KRTAP10-3: variants seen among roughly 807,000 people sequenced by gnomAD.
KRTAP10-3 encodes the protein keratin associated protein 10-3, also known as keratin-associated protein 10-3.
For synonymous variants in KRTAP10-3, 151 were observed against 126.2 expected, an observed-to-expected ratio of 1.20 and a Z score of -1.32; for missense variants, 341 against 293.4, an observed-to-expected ratio of 1.16 and a Z score of -1.19.
At position 44,558,211 on chromosome 21, in the gene KRTAP10-3, T is replaced by C. The variant is rs587596615; in HGVS notation, c.505A>G (p.Thr169Ala). Reference sequence around the variant, plus strand: ...CAGGAGGGGATGGGCACACAGCAGGTGGACCTGCACACGGGGCGGCAGAGG... The same window carrying C: ...CAGGAGGGGATGGGCACACAGCAGGCGGACCTGCACACGGGGCGGCAGAGG... ...SLLCRPVCRS[T>A]CCVPIPSCCA... The change falls in exon 1 of 1, where the codon ACC becomes GCC. Residue 169 changes from threonine to alanine, a missense_variant. Physicochemically the swap from Thr to Ala is moderately conservative, Grantham distance 58. Transcript: ENST00000391620. The C allele has an allele frequency of 3.9e-5, 61 of 1,555,842 alleles. No homozygotes were observed. Among genetic ancestry groups the C allele is most frequent in the Admixed American group, 5.3e-5 (3 of 56,474 alleles).
In KRTAP10-3 at chr21:44,558,650, G is replaced by A. The variant is rs782713383; in HGVS notation, c.66C>T (p.Cys22=). 30 of 1,613,288 alleles carry A rather than the reference G, an allele frequency of 1.9e-5. No individual in the cohort carries two copies. The highest frequency in any genetic ancestry group is 2.5e-5 in the Non-Finnish European group (30 of 1,179,906). ...AYSDSWQVDA[C]PESCCEPPCC... ...AGGGGGGCTCACAGCAGCTCTCTGG[G>A]CAGGCGTCCACCTGCCAGGAGTCAG... Residue 22 remains cysteine, a synonymous_variant, in exon 1 of 1, where the codon TGC becomes TGT. Transcript: ENST00000391620.
At position 44,558,169 on chromosome 21, in the gene KRTAP10-3, T is replaced by A. The variant is rs202130377; in HGVS notation, c.547A>T (p.Thr183Ser). The stretch of plus-strand genomic sequence containing the variant: ...GGGCGGCAGCAGCTGGGCTGGCAGG[T>A]GGAGGCAGGGGCACAGCAGGAGGGG... ...PIPSCCAPAS[T>S]CQPSCCRPAS... is the part of the protein sequence containing the mutation. The change falls in exon 1 of 1, where the codon ACC becomes TCC. Residue 183 changes from threonine (T) to serine (S), a missense_variant. By Grantham distance (58) the Thr-to-Ser change is moderately conservative. Transcript: ENST00000391620. The A allele has an allele frequency of 3.2e-4, 506 of 1,604,928 alleles. No homozygotes were observed. Among genetic ancestry groups the A allele is most frequent in the Middle Eastern group, 1.0e-3 (6 of 5,830 alleles).
chr21:44,558,663 T>C lies in KRTAP10-3; in HGVS notation c.53A>G (p.Gln18Arg). 6.2e-7 allele frequency: 1 copy of C among 1,613,224 alleles called. No individual in the cohort carries two copies. The highest frequency in any genetic ancestry group is 8.5e-7 in the Non-Finnish European group (1 of 1,179,822). The part of the protein sequence containing the change: ...VCSSAYSDSW[Q>R]VDACPESCCE... Reference sequence around the variant, plus strand: ...GCAGCTCTCTGGGCAGGCGTCCACCTGCCAGGAGTCAGAGTAAGCGCTGGA... The same window carrying C: ...GCAGCTCTCTGGGCAGGCGTCCACCCGCCAGGAGTCAGAGTAAGCGCTGGA... Residue 18 changes from glutamine (Q) to arginine (R), a missense_variant, in exon 1 of 1, where the codon CAG (glutamine) becomes CGG (arginine). By Grantham distance (43) the Gln-to-Arg change is conservative. Transcript: ENST00000391620.
In KRTAP10-3 at chr21:44,558,381, G is replaced by C. The variant is rs782498924; in HGVS notation, c.335C>G (p.Pro112Arg). 4.0e-5 allele frequency: 64 copies of C among 1,613,056 alleles called. No individual in the cohort carries two copies. Among genetic ancestry groups the C allele is most frequent in the Non-Finnish European group, 5.0e-5 (59 of 1,179,632 alleles). Residue 112 changes from proline to arginine, a missense_variant, in exon 1 of 1, where the codon CCC becomes CGC. Coordinates refer to ENST00000391620, the MANE Select transcript of KRTAP10-3 (RefSeq NM_198696.3). The part of the protein sequence containing the change: ...PVCCKPVCCV[P>R]VCCKPVCCKP... ...GCAGCAGACAGGCTTGCAGCAGACG[G>C]GCACACAGCAGACTGGCTTGCAGCA...
Position 44,558,173 on chromosome 21 carries a change from G to A in KRTAP10-3, c.543C>T (p.Ala181=). The A allele has an allele frequency of 6.5e-7, 1 of 1,545,556 alleles. No individual in the cohort carries two copies. Among genetic ancestry groups the A allele is most frequent in the Non-Finnish European group, 8.8e-7 (1 of 1,134,854 alleles). Residue 181 remains alanine, a synonymous_variant, in exon 1 of 1, where the codon GCC becomes GCT. Transcript: ENST00000391620. ...GGCAGCAGCTGGGCTGGCAGGTGGA[G>A]GCAGGGGCACAGCAGGAGGGGATGG... is the stretch of plus-strand genomic sequence containing the variant. ...CVPIPSCCAP[A]STCQPSCCRP... is the part of the protein sequence containing the mutation.
In KRTAP10-3 at chr21:44,558,507, C is replaced by T. The variant is rs368261366; in HGVS notation, c.209G>A (p.Gly70Asp). Residue 70 changes from glycine (G) to aspartate (D), a missense_variant, in exon 1 of 1, where the codon GGC becomes GAC. Transcript: ENST00000391620. ...CGAGGGCGTGCAGGAGCTGGTGCAG[C>T]CTGACTGGCAGGGGCTGGGCTCACA... Reference protein sequence around the residue: ...AACEPSPCQSGCTSSCTPSCC... With the variant: ...AACEPSPCQSDCTSSCTPSCC... 3.7e-6 allele frequency: 6 copies of T among 1,613,866 alleles called. No individual in the cohort carries two copies. The highest frequency in any genetic ancestry group is 1.7e-5 in the Admixed American group (1 of 60,024).
chr21:44,558,594 G>T lies in KRTAP10-3; in HGVS notation c.122C>A (p.Pro41His), dbSNP rs782786588. ...CCATSCCAPA[P>H]CLTLVCTPVS... is the part of the protein sequence containing the mutation. The stretch of plus-strand genomic sequence containing the variant: ...TGGGGTGCAGACCAGGGTCAGGCAG[G>T]GGGCCGGGGCGCAGCAGCTGGTGGC... Residue 41 changes from proline (P) to histidine (H), a missense_variant, in exon 1 of 1, where the codon CCC becomes CAC. Coordinates refer to ENST00000391620, the MANE Select transcript of KRTAP10-3 (RefSeq NM_198696.3). 1.2e-6 allele frequency: 2 copies of T among 1,611,616 alleles called. No individual in the cohort carries two copies. Among genetic ancestry groups the T allele is most frequent in the Admixed American group, 3.3e-5 (2 of 59,956 alleles).
rs1387887695 is a variant in KRTAP10-3, at chr21:44,558,064, T to C, written c.652A>G (p.Lys218Glu). The C allele has an allele frequency of 6.2e-7, 1 of 1,608,068 alleles. No homozygotes were observed. Among genetic ancestry groups the C allele is most frequent in the Non-Finnish European group, 8.5e-7 (1 of 1,176,622 alleles). ...GGACCTGCCCGTCAGCAGCTGGACTTCTGGCCTGAGGAGAGGCCGCAGCAC... is the reference window on the plus strand; with the variant it reads ...GGACCTGCCCGTCAGCAGCTGGACTCCTGGCCTGAGGAGAGGCCGCAGCAC... ...SACCGLSSGQKSSC is the reference protein window; with the variant it reads ...SACCGLSSGQESSC The change falls in exon 1 of 1, where the codon AAG becomes GAG. Residue 218 changes from lysine (K) to glutamate (E), a missense_variant. By Grantham distance (56) the Lys-to-Glu change is moderately conservative. Transcript: ENST00000391620.
chr21:44,557,846 C>A lies in KRTAP10-3; in HGVS notation c.*204G>T. On this transcript the variant is annotated 3_prime_UTR_variant, in exon 1 of 1. Transcript: ENST00000391620. ...GACTGATCACTCACATGGGGCAGGACACAGTGACCACCGGCTGGCCAGCAT... is the reference window on the plus strand; with the variant it reads ...GACTGATCACTCACATGGGGCAGGAAACAGTGACCACCGGCTGGCCAGCAT... 3 of 648,664 alleles carry A rather than the reference C, an allele frequency of 4.6e-6. No individual in the cohort carries two copies. Among genetic ancestry groups the A allele is most frequent in the Non-Finnish European group, 5.3e-6 (2 of 378,110 alleles). The allele number at this position is 648,664 out of a possible 1,614,324, so 40.2% of individuals were successfully genotyped here. A position where few individuals can be genotyped will look rare whatever the true frequency, so the allele number is the denominator to read the frequency against.
chr21:44,558,217 T>G lies in KRTAP10-3; in HGVS notation c.499A>C (p.Arg167=), dbSNP rs1411699056. The G allele has an allele frequency of 1.9e-6, 3 of 1,563,224 alleles. No homozygotes were observed. The highest frequency in any genetic ancestry group is 2.6e-6 in the Non-Finnish European group (3 of 1,144,144). ...GGGATGGGCACACAGCAGGTGGACC[T>G]GCACACGGGGCGGCAGAGGAGGGAC... ...SVSLLCRPVC[R]STCCVPIPSC... The change falls in exon 1 of 1, where the codon AGG becomes CGG. Residue 167 remains arginine, a synonymous_variant. Coordinates refer to ENST00000391620, the MANE Select transcript of KRTAP10-3 (RefSeq NM_198696.3).
rs782304398 is a variant in KRTAP10-3, at chr21:44,558,100, G to A, written c.616C>T (p.Leu206Phe). The change falls in exon 1 of 1, where the codon CTC (leucine) becomes TTC (phenylalanine). Residue 206 changes from leucine (L) to phenylalanine (F), a missense_variant. Coordinates refer to ENST00000391620, the MANE Select transcript of KRTAP10-3 (RefSeq NM_198696.3). ...GAGAGGCCGCAGCACGCGGAAGAGAGGCGGGAGCACGTGGGGCGGCAGAGG... is the reference window on the plus strand; with the variant it reads ...GAGAGGCCGCAGCACGCGGAAGAGAAGCGGGAGCACGTGGGGCGGCAGAGG... ...SLLCRPTCSR[L>F]SSACCGLSSG... 8 of 1,609,958 alleles carry A rather than the reference G, an allele frequency of 5.0e-6. No individual in the cohort carries two copies. The highest frequency in any genetic ancestry group is 2.2e-5 in the East Asian group (1 of 44,872).
At position 44,558,656 on chromosome 21, in the gene KRTAP10-3, G is replaced by T; in HGVS notation, c.60C>A (p.Asp20Glu). 6.2e-7 allele frequency: 1 copy of T among 1,613,272 alleles called. No individual in the cohort carries two copies. Among genetic ancestry groups the T allele is most frequent in the Non-Finnish European group, 8.5e-7 (1 of 1,179,878 alleles). ...GCTCACAGCAGCTCTCTGGGCAGGC[G>T]TCCACCTGCCAGGAGTCAGAGTAAG... ...SSAYSDSWQV[D>E]ACPESCCEPP... Residue 20 changes from aspartate to glutamate, a missense_variant, in exon 1 of 1, where the codon GAC (aspartate) becomes GAA (glutamate). Physicochemically the swap from Asp to Glu is conservative, Grantham distance 45. Coordinates refer to ENST00000391620, the MANE Select transcript of KRTAP10-3 (RefSeq NM_198696.3).
rs1555920104 is a variant in KRTAP10-3, at chr21:44,558,002, A to G, written c.*48T>C. ...GGCTCAGGGCTGCAAGGATTTTCGG[A>G]AGTCAGAGATGGCCCTGGAACAACT... On this transcript the variant is annotated 3_prime_UTR_variant, in exon 1 of 1. Coordinates refer to ENST00000391620, the MANE Select transcript of KRTAP10-3 (RefSeq NM_198696.3). The G allele has an allele frequency of 3.8e-6, 6 of 1,565,116 alleles. No homozygotes were observed. Among genetic ancestry groups the G allele is most frequent in the Non-Finnish European group, 5.2e-6 (6 of 1,154,284 alleles).
In KRTAP10-3 at chr21:44,557,937, C is replaced by T; in HGVS notation, c.*113G>A. ...CGGCATGAAAGCTCAGCATTGCTGG[C>T]TGGAGGTGCAGTGGCTATGGGCAGA... On this transcript the variant is annotated 3_prime_UTR_variant, in exon 1 of 1. Coordinates refer to ENST00000391620, the MANE Select transcript of KRTAP10-3 (RefSeq NM_198696.3). 1 of 1,239,230 alleles carries T rather than the reference C, an allele frequency of 8.1e-7. No homozygotes were observed. Among genetic ancestry groups the T allele is most frequent in the Admixed American group, 2.6e-5 (1 of 38,156 alleles). The allele number at this position is 1,239,230 out of a possible 1,614,324, so 76.8% of individuals were successfully genotyped here. A position where few individuals can be genotyped will look rare whatever the true frequency, so the allele number is the denominator to read the frequency against.
rs587680030 is a variant in KRTAP10-3 at position 44,558,253 on chromosome 21, A to T, written c.463T>A (p.Ser155Thr). ...ACCTTSCCRPSSSVSLLCRPV... is the reference protein window; with the variant it reads ...ACCTTSCCRPTSSVSLLCRPV... ...CGGCAGAGGAGGGACACGGAGGAGGAGGGTCTGCAGCAGGAGGTGGTGCAG... is the reference window on the plus strand; with the variant it reads ...CGGCAGAGGAGGGACACGGAGGAGGTGGGTCTGCAGCAGGAGGTGGTGCAG... The change falls in exon 1 of 1, where the codon TCC becomes ACC. Residue 155 changes from serine (S) to threonine (T), a missense_variant. Physicochemically the swap from Ser to Thr is moderately conservative, Grantham distance 58 (BLOSUM62 1). Transcript: ENST00000391620. 31 of 1,613,892 alleles carry T rather than the reference A, an allele frequency of 1.9e-5. No homozygotes were observed. In the Middle Eastern group the frequency reaches 5.0e-4, roughly 26 times the overall value.
Position 44,558,087 on chromosome 21 carries a change from C to A in KRTAP10-3, c.629G>T (p.Cys210Phe), listed in dbSNP as rs782087801. 1.2e-6 allele frequency: 2 copies of A among 1,612,218 alleles called. No homozygotes were observed. Among genetic ancestry groups the A allele is most frequent in the Admixed American group, 3.3e-5 (2 of 59,952 alleles). ...RPTCSRLSSA[C>F]CGLSSGQKSS... Reference sequence around the variant, plus strand: ...CTTCTGGCCTGAGGAGAGGCCGCAGCACGCGGAAGAGAGGCGGGAGCACGT... The same window carrying A: ...CTTCTGGCCTGAGGAGAGGCCGCAGAACGCGGAAGAGAGGCGGGAGCACGT... Residue 210 changes from cysteine to phenylalanine, a missense_variant, in exon 1 of 1, where the codon TGC becomes TTC. By Grantham distance (205) the Cys-to-Phe change is radical. Coordinates refer to ENST00000391620, the MANE Select transcript of KRTAP10-3 (RefSeq NM_198696.3).
Position 44,558,762 on chromosome 21 carries a change from T to C in KRTAP10-3, c.-47A>G, listed in dbSNP as rs1171285685. On this transcript the variant is annotated 5_prime_UTR_variant, in exon 1 of 1. Coordinates refer to ENST00000391620, the MANE Select transcript of KRTAP10-3 (RefSeq NM_198696.3). The stretch of plus-strand genomic sequence containing the variant: ...GCTGGGGGAGACGTGAGTGAGTGAG[T>C]GTGGGAGTGAGTGAGGGAGTGAGTG... 5 of 1,559,316 alleles carry C rather than the reference T, an allele frequency of 3.2e-6. No homozygotes were observed. Among genetic ancestry groups the C allele is most frequent in the Non-Finnish European group, 4.3e-6 (5 of 1,152,084 alleles).
At position 44,558,362 on chromosome 21, in the gene KRTAP10-3, G is replaced by C. The variant is rs1555920320; in HGVS notation, c.354C>G (p.Val118=). The C allele has an allele frequency of 1.2e-6, 2 of 1,612,696 alleles. No individual in the cohort carries two copies. Among genetic ancestry groups the C allele is most frequent in the Non-Finnish European group, 1.7e-6 (2 of 1,179,420 alleles). The change falls in exon 1 of 1, where the codon GTC becomes GTG. Residue 118 remains valine (V), a synonymous_variant. Coordinates refer to ENST00000391620, the MANE Select transcript of KRTAP10-3 (RefSeq NM_198696.3). ...GCACACAGCAGATGGGCTTGCAGCA[G>C]ACAGGCTTGCAGCAGACGGGCACAC... ...VCCVPVCCKP[V]CCKPICCVPV...
Position 44,558,258 on chromosome 21 carries a change from C to G in KRTAP10-3, c.458G>C (p.Arg153Thr). The stretch of plus-strand genomic sequence containing the variant: ...GAGGAGGGACACGGAGGAGGAGGGT[C>G]TGCAGCAGGAGGTGGTGCAGCAAGC... ...QPACCTTSCC[R>T]PSSSVSLLCR... The change falls in exon 1 of 1, where the codon AGA becomes ACA. Residue 153 changes from arginine (R) to threonine (T), a missense_variant. By Grantham distance (71) the Arg-to-Thr change is moderately conservative. Coordinates refer to ENST00000391620, the MANE Select transcript of KRTAP10-3 (RefSeq NM_198696.3). 1 of 1,614,006 alleles carries G rather than the reference C, an allele frequency of 6.2e-7. No homozygotes were observed. The highest frequency in any genetic ancestry group is 1.1e-5 in the South Asian group (1 of 91,058).
Sources: allele counts gnomAD v4.1 joint callset, GRCh38; gene constraint gnomAD v4.1.1; transcripts MANE v1.5; gene names NCBI Gene and HGNC (gene_info 2026-07-23, HGNC 2026-07-21).